The following ASTN2 variants were observed in gnomAD, a reference collection of about 807,000 sequenced individuals.
The protein encoded by ASTN2 is astrotactin 2.
ASTN2 carries 54 observed loss-of-function variants against 139.8 expected under a neutral mutation model. That is an observed-to-expected ratio of 0.39 (90% CI 0.31 to 0.48). The LOEUF (loss-of-function observed/expected upper bound fraction) is 0.48, where lower values mean the gene tolerates loss of function less well. Ranked by LOEUF, ASTN2 falls within the 20% of genes least tolerant of loss-of-function variation. The pLI is 0.95. For missense variants in ASTN2, 1,565 were observed against 1,725.1 expected (o/e 0.91, Z 1.64); for synonymous variants, 756 against 719.5 (o/e 1.05, Z -0.81).
intron 3 of ASTN2, among the ~76,000 whole-genome samples, chr9:117,208,133 A>G (rs1831998985): frequency 6.6e-6 from 1 of 152,200 alleles, no homozygotes; most frequent in African/African-American, 2.4e-5. Flanking sequence ...TAAAAGGAAA[A>G]CAATAATTTG....
intron 2 of ASTN2, among the ~76,000 whole-genome samples, chr9:117,219,190 C>A (rs1456790128): frequency 6.6e-6 from 1 of 152,132 alleles, no homozygotes; most frequent in Non-Finnish European, 1.5e-5. Context: ...ACTGTGTCCA[C>A]CTGCACTGGT....
chr9:116,618,198 A>C lies in ASTN2; in HGVS notation c.3355+126T>G, dbSNP rs1855948125. 5.6e-6 allele frequency: 6 copies of C among 1,066,684 alleles called. 1 individual carries two copies. Among genetic ancestry groups the C allele is most frequent in the Non-Finnish European group, 7.9e-6 (6 of 756,946 alleles). The allele number at this position is 1,066,684 out of a possible 1,614,324, so 66.1% of individuals were successfully genotyped here. A position where few individuals can be genotyped will look rare whatever the true frequency, so the allele number is the denominator to read the frequency against. Reference sequence around the variant, plus strand: ...ACACAAGGATGGACAGCGAAAAATCACTAAACAATGAAATCTTCCAATGCC... The same window carrying C: ...ACACAAGGATGGACAGCGAAAAATCCCTAAACAATGAAATCTTCCAATGCC... On this transcript the variant is annotated intron_variant, in intron 19 of 22. Transcript: ENST00000313400.
intron 13 of ASTN2, among the ~76,000 whole-genome samples, chr9:116,742,884 G>T (rs1298421835): frequency 6.6e-6 from 1 of 152,152 alleles, no homozygotes; most frequent in East Asian, 1.9e-4. Context: ...AACCAAGGGG[G>T]CTTCAGAGTG....
At chr9:117,290,056 T>A (rs1469529776) in intron 2 of ASTN2, among the ~76,000 whole-genome samples, 1 of 152,208 alleles carries the variant, frequency 6.6e-6, no homozygotes, top group African/African-American at 2.4e-5. Flanking sequence ...CAAAAAATAC[T>A]GCTGATTGTT....
At chr9:117,187,564 T>G in intron 3 of ASTN2, among the ~76,000 whole-genome samples, 1 of 152,062 alleles carries the variant, frequency 6.6e-6, no homozygotes, top group South Asian at 2.1e-4. Context: ...GATTAATGGG[T>G]TGTCATGAGA....
At chr9:117,335,483 G>A (rs1828853831) in intron 1 of ASTN2, among the ~76,000 whole-genome samples, 1 of 152,148 alleles carries the variant, frequency 6.6e-6, no homozygotes, top group African/African-American at 2.4e-5. Context: ...AATGTATGAT[G>A]CAAATTATCT....
chr9:116,714,600 C>T (rs1307453684), intron 16 of ASTN2, among the ~76,000 whole-genome samples: 1 of 152,030 alleles, frequency 6.6e-6, no homozygotes, highest in African/African-American at 2.4e-5. Context: ...GAATTGAGTC[C>T]CAGGAACCTA....
At chr9:116,876,209 T>C (rs1180966861) in intron 10 of ASTN2, among the ~76,000 whole-genome samples, 1 of 151,996 alleles carries the variant, frequency 6.6e-6, no homozygotes, top group Non-Finnish European at 1.5e-5. Flanking sequence ...CTTTGAGGGG[T>C]TCAAGGCTTC....
chr9:116,598,121 G>A (rs1477032598), intron 19 of ASTN2, among the ~76,000 whole-genome samples: 1 of 152,204 alleles, frequency 6.6e-6, no homozygotes, highest in Non-Finnish European at 1.5e-5. Context: ...TCTCCCTGGG[G>A]AGGTTGGGGT....
intron 5 of ASTN2, among the ~76,000 whole-genome samples, chr9:117,045,269 A>T (rs1381047750): frequency 6.6e-6 from 1 of 151,984 alleles, no homozygotes; most frequent in Non-Finnish European, 1.5e-5. Flanking sequence ...AAAAAAAAAA[A>T]AAAAAGAGCT....
At chr9:117,140,487 C>T (rs950969391) in intron 4 of ASTN2, among the ~76,000 whole-genome samples, 3 of 151,594 alleles carry the variant, frequency 2.0e-5, no homozygotes, top group African/African-American at 7.3e-5. Context: ...TAAGCAGTGA[C>T]AAGTTGATTT....
intron 16 of ASTN2, chr9:116,697,851 C>T (rs772028299): frequency 6.2e-7 from 1 of 1,614,210 alleles, no homozygotes; most frequent in South Asian, 1.1e-5. Flanking sequence ...TCCCAAGCTT[C>T]TGCACTGTGG....
rs10681699 is a variant in ASTN2 at position 116,805,109 on chromosome 9, AGTGTGTGTGTGTGT to A, written c.2396+509_2396+522del. Among the ~76,000 whole-genome samples, 4 of 143,132 alleles carry A rather than the reference AGTGTGTGTGTGTGT, an allele frequency of 2.8e-5. No homozygotes were observed. In the South Asian group the frequency reaches 9.2e-4, roughly 33 times the overall value. The allele number at this position is 143,132 out of a possible 152,430, so 93.9% of individuals were successfully genotyped here. On this transcript the variant is annotated intron_variant, in intron 13 of 22. Coordinates refer to ENST00000313400, the MANE Select transcript of ASTN2 (RefSeq NM_001365068.1). ...TAAACAGCTTTACTGGGATTTGGGG[AGTGTGTGTGTGTGT>A]GTGTGTGTGTGTGTGTGTGTAGGCA...
At chr9:116,839,663 T>A (rs1832131680) in intron 11 of ASTN2, among the ~76,000 whole-genome samples, 1 of 151,486 alleles carries the variant, frequency 6.6e-6, no homozygotes, top group South Asian at 2.1e-4. Flanking sequence ...ACCGGTCTAA[T>A]TTTTGTATAT....
At chr9:117,220,824 T>G (rs1832490351) in intron 2 of ASTN2, among the ~76,000 whole-genome samples, 1 of 152,206 alleles carries the variant, frequency 6.6e-6, no homozygotes, top group African/African-American at 2.4e-5. Context: ...ACTAAGGCAC[T>G]GCCCTTGACC....
At chr9:116,706,620 G>A (rs572145444) in intron 16 of ASTN2, among the ~76,000 whole-genome samples, 1 of 152,170 alleles carries the variant, frequency 6.6e-6, no homozygotes, top group East Asian at 1.9e-4. Flanking sequence ...CCTAAACCAA[G>A]TTTTGGGTAA....
chr9:116,893,440 C>T (rs1440763493), intron 10 of ASTN2, among the ~76,000 whole-genome samples: 1 of 152,174 alleles, frequency 6.6e-6, no homozygotes, highest in African/African-American at 2.4e-5. Context: ...TCTGCCCACT[C>T]TAAAGCAGGA....
intron 19 of ASTN2, among the ~76,000 whole-genome samples, chr9:116,504,126 T>C (rs1026184507): frequency 2.0e-5 from 3 of 152,132 alleles, no homozygotes; most frequent in Non-Finnish European, 4.4e-5. Context: ...TCTGTGCAAA[T>C]TGGAAAAACA....
In ASTN2 at chr9:117,067,252, A is replaced by C. The variant is rs1257605808; in HGVS notation, c.1277-27287T>G. On this transcript the variant is annotated intron_variant, in intron 5 of 22. Coordinates refer to ENST00000313400, the MANE Select transcript of ASTN2 (RefSeq NM_001365068.1). ...CTAGCCAGTTTTCCCAGCACCATTT[A>C]TTAAATAGGGAATCCTTTCCCCATT... Among the ~76,000 whole-genome samples the C allele has an allele frequency of 4.3e-4, 53 of 122,704 alleles. 1 individual carries two copies. In the East Asian group the frequency reaches 8.8e-3, roughly 20 times the overall value. The allele number at this position is 122,704 out of a possible 152,430, so 80.5% of individuals were successfully genotyped here.
Sources: gnomAD v4.1 joint callset for allele counts (sites outside exome capture counted in the v4.1 genomes callset) on GRCh38, gnomAD v4.1.1 for gene constraint, MANE v1.5 for transcripts, NCBI Gene and HGNC (gene_info 2026-07-23, HGNC 2026-07-21) for gene names.